Variants in GPSM1 observed in about 807,000 individuals in gnomAD.
The protein encoded by GPSM1 is G protein-signaling modulator 1.
A neutral mutation model predicts 70.5 loss-of-function variants in GPSM1; 48 were observed. The observed-to-expected ratio is 0.68, with a 90% CI of 0.54 to 0.87. GPSM1 has a LOEUF of 0.87. Among genes scored for constraint, GPSM1 ranks in the 40% least tolerant of loss-of-function variants. The probability of loss-of-function intolerance (pLI) is 0.00; values close to 1 mark genes in which losing one functional copy is unlikely to be tolerated. For missense variants in GPSM1, 981 were observed against 972.6 expected, an observed-to-expected ratio of 1.01 and a Z score of -0.11; for synonymous variants, 416 against 430.1, an observed-to-expected ratio of 0.97 and a Z score of 0.41.
chr9:136,355,929 G>T (rs1588710261), intron 12 of GPSM1, 83 bp downstream of exon 12: 32 of 1,194,636 alleles, frequency 2.7e-5, no homozygotes, highest in African/African-American at 4.6e-5. Flanking sequence ...TTCCAGTGAG[G>T]AGTTTTCGGG....
intron 11 of GPSM1, among the ~76,000 whole-genome samples, chr9:136,353,358 G>A (rs1832723144): frequency 6.6e-6 from 1 of 152,198 alleles, no homozygotes; most frequent in Admixed American, 6.5e-5. Flanking sequence ...CAGGGCTTGG[G>A]GCAAGGGAGA....
chr9:136,342,606 C>G lies in GPSM1; in HGVS notation c.1207+1613C>G, dbSNP rs1325660297. Among the ~76,000 whole-genome samples the G allele has an allele frequency of 1.3e-5, 2 of 152,168 alleles. No individual in the cohort carries two copies. The highest frequency in any genetic ancestry group is 2.4e-5 in the African/African-American group (1 of 41,452). On this transcript the variant is annotated intron_variant, in intron 9 of 13. Transcript: ENST00000440944. This position sits in a 1 kb window ranked among gnomAD's most constrained non-coding sequence, Gnocchi z 5.5. ...CTGCACACCTAGAGCCTGGGCGGCC[C>G]TGGGTGAGACCCCGGCTCAGCTGAG... is the stretch of plus-strand genomic sequence containing the variant.
rs1832601218 is a variant in GPSM1 at position 136,349,360 on chromosome 9, T to C, written c.1279-227T>C. Among the ~76,000 whole-genome samples, 3 of 152,246 alleles carry C rather than the reference T, an allele frequency of 2.0e-5. No homozygotes were observed. In the South Asian group the frequency reaches 6.2e-4, roughly 31 times the overall value. On this transcript the variant is annotated intron_variant, in intron 10 of 13. Coordinates refer to ENST00000440944, the MANE Select transcript of GPSM1 (RefSeq NM_001145638.3). ...CCCACAGTCACTGTCATTGCTGGTA[T>C]AAGCCGGCTGACATTTGCGGGGGCC... is the stretch of plus-strand genomic sequence containing the variant.
chr9:136,352,079 C>A (rs1309350858), intron 11 of GPSM1, among the ~76,000 whole-genome samples: 3 of 149,436 alleles, frequency 2.0e-5, no homozygotes, highest in Admixed American at 2.0e-4. Flanking sequence ...GTTGGTGACA[C>A]CAATACTGCG....
chr9:136,345,925 G>A (rs553366714), intron 9 of GPSM1, among the ~76,000 whole-genome samples: 2 of 152,308 alleles, frequency 1.3e-5, no homozygotes, highest in Admixed American at 1.3e-4. Flanking sequence ...CCTTCAAGCT[G>A]CACCACCCGA....
At chr9:136,338,495 A>T (rs906795389) in intron 6 of GPSM1, 60 bp from the exon 7 acceptor site, 1 of 1,518,776 alleles carries the variant, frequency 6.6e-7, no homozygotes, top group Non-Finnish European at 8.9e-7. Context: ...CCCCATTCTT[A>T]CCTTCCACCC....
intron 4 of GPSM1, 98 bp downstream of exon 4, chr9:136,337,170 C>T (rs1177463965): frequency 2.0e-5 from 24 of 1,186,198 alleles, no homozygotes; most frequent in East Asian, 5.1e-5. Flanking sequence ...CCATACCTCC[C>T]GACAGCTCCC....
At chr9:136,348,889 C>T in intron 10 of GPSM1, 122 bp downstream of exon 10, 2 of 715,068 alleles carry the variant, frequency 2.8e-6, no homozygotes, top group South Asian at 3.5e-5. Flanking sequence ...TAAATGTGCC[C>T]TCCTCGGCCT....
At chr9:136,350,242 C>T (rs1175703559) in intron 11 of GPSM1, among the ~76,000 whole-genome samples, 2 of 152,254 alleles carry the variant, frequency 1.3e-5, no homozygotes, top group Non-Finnish European at 1.5e-5. Flanking sequence ...CACAGATCCC[C>T]TGATGGGGTG....
At chr9:136,345,382 C>T (rs1554771108) in intron 9 of GPSM1, among the ~76,000 whole-genome samples, 2 of 152,204 alleles carry the variant, frequency 1.3e-5, no homozygotes, top group Non-Finnish European at 2.9e-5. Flanking sequence ...CAGCCAAGGG[C>T]GCTGGACTCA....
At chr9:136,349,866 T>A in intron 11 of GPSM1, 103 bp downstream of exon 11, 1 of 1,145,750 alleles carries the variant, frequency 8.7e-7, no homozygotes, top group Non-Finnish European at 1.2e-6. Context: ...GCCCGGGCAC[T>A]CCGGGGAGGC....
intron 13 of GPSM1, 136 bp from the exon 14 acceptor site, chr9:136,357,878 C>A: frequency 1.5e-6 from 1 of 673,304 alleles, no homozygotes; most frequent in Non-Finnish European, 2.5e-6. Context: ...GAGGCAGGCC[C>A]CAGAACCAAT....
At position 136,358,152 on chromosome 9, in the gene GPSM1, G is replaced by A. The variant is rs782100419; in HGVS notation, c.1960G>A (p.Gly654Arg). Reference protein sequence around the residue: ...RMDEQRVDLAGGPEQGAGGPP... With the variant: ...RMDEQRVDLARGPEQGAGGPP... ...GGACGAGCAGCGGGTGGACCTCGCCGGGGGCCCGGAGCAGGGGGCAGGCGG... is the reference window on the plus strand; with the variant it reads ...GGACGAGCAGCGGGTGGACCTCGCCAGGGGCCCGGAGCAGGGGGCAGGCGG... Residue 654 changes from glycine to arginine, a missense_variant, in exon 14 of 14, where the codon GGG becomes AGG. Transcript: ENST00000440944. 1.6e-5 allele frequency: 26 copies of A among 1,600,584 alleles called. No homozygotes were observed. Among genetic ancestry groups the A allele is most frequent in the African/African-American group, 2.7e-5 (2 of 74,578 alleles).
chr9:136,355,686 C>G lies in GPSM1; in HGVS notation c.1456-4C>G. ...TGGCTGCGGTGACCCCACTCCCTCCCCAGAGCATCCCGAGGGCCCCGTCTT... is the reference window on the plus strand; with the variant it reads ...TGGCTGCGGTGACCCCACTCCCTCCGCAGAGCATCCCGAGGGCCCCGTCTT... On this transcript the variant is annotated splice_region_variant and splice_polypyrimidine_tract_variant and intron_variant, in intron 11 of 13. Coordinates refer to ENST00000440944, the MANE Select transcript of GPSM1 (RefSeq NM_001145638.3). 1 of 1,611,584 alleles carries G rather than the reference C, an allele frequency of 6.2e-7. No homozygotes were observed. The highest frequency in any genetic ancestry group is 8.5e-7 in the Non-Finnish European group (1 of 1,179,144).
intron 11 of GPSM1, among the ~76,000 whole-genome samples, chr9:136,351,232 TG>T (rs1403410057): frequency 6.6e-6 from 1 of 152,060 alleles, no homozygotes; most frequent in Non-Finnish European, 1.5e-5. Context: ...CCCAACCATC[TG>T]GGCTAGGTCC....
rs367606929 is a variant in GPSM1, at chr9:136,354,540, G to A, written c.1456-1150G>A. Among the ~76,000 whole-genome samples the A allele has an allele frequency of 1.3e-4, 20 of 152,366 alleles. No homozygotes were observed. In the East Asian group the frequency reaches 2.7e-3, roughly 21 times the overall value. On this transcript the variant is annotated intron_variant, in intron 11 of 13. Coordinates refer to ENST00000440944, the MANE Select transcript of GPSM1 (RefSeq NM_001145638.3). ...GCAGACCTGGAAGAGGCCACCAGCC[G>A]TGAGATGGACAGGCTGGGGCCGGGC...
At position 136,352,674 on chromosome 9, in the gene GPSM1, C is replaced by T. The variant is rs1031174656; in HGVS notation, c.1455+2911C>T. On this transcript the variant is annotated intron_variant, in intron 11 of 13. Coordinates refer to ENST00000440944, the MANE Select transcript of GPSM1 (RefSeq NM_001145638.3). ...AGGAGTCCAGATGAGGACAGCAACC[C>T]GCCCAGGTCCTCTGCGCCTGCCTCC... 3.3e-5 allele frequency among the ~76,000 whole-genome samples: 5 copies of T among 152,210 alleles called. No homozygotes were observed. In the East Asian group the frequency reaches 7.7e-4, roughly 24 times the overall value.
intron 1 of GPSM1, among the ~76,000 whole-genome samples, chr9:136,331,632 G>C (rs114734477): frequency 6.6e-6 from 1 of 152,314 alleles, no homozygotes; most frequent in Admixed American, 6.5e-5. Context: ...GAGTGAGCCC[G>C]GTCCTGGGGC....
At chr9:136,336,493 CT>C (rs1437815711) in intron 3 of GPSM1, among the ~76,000 whole-genome samples, 1 of 152,218 alleles carries the variant, frequency 6.6e-6, no homozygotes, top group Non-Finnish European at 1.5e-5. Flanking sequence ...TCCGTCTCCG[CT>C]TGTGCTGGAC....
Sources: gnomAD v4.1 joint callset for allele counts (sites outside exome capture counted in the v4.1 genomes callset) on GRCh38, gnomAD v4.1.1 for gene constraint, Gnocchi (gnomAD v3.1) non-coding constraint, MANE v1.5 for transcripts, NCBI Gene and HGNC (gene_info 2026-07-23, HGNC 2026-07-21) for gene names.